TUB: variants seen among roughly 807,000 people sequenced by gnomAD.
TUB encodes the protein tubby protein homolog.
TUB carries 33 observed loss-of-function variants against 59.7 expected under a neutral mutation model. That is an observed-to-expected ratio of 0.55 (90% CI 0.42 to 0.74). The LOEUF is 0.74. TUB is among the 30% of genes least tolerant of loss of function. TUB has a pLI of 0.00. For missense variants in TUB, 659 were observed against 672.0 expected, an observed-to-expected ratio of 0.98 and a Z score of 0.21; for synonymous variants, 293 against 256.4, an observed-to-expected ratio of 1.14 and a Z score of -1.36.
At chr11:8,039,201 G>C (rs1283422903) in intron 1 of TUB, among the ~76,000 whole-genome samples, 1 of 151,944 alleles carries the variant, frequency 6.6e-6, no homozygotes, top group Non-Finnish European at 1.5e-5. Flanking sequence ...AACCCCTCTT[G>C]CTCCAGACAG....
chr11:8,037,212 G>A (rs1190133859), upstream of TUB, among the ~76,000 whole-genome samples: 1 of 152,214 alleles, frequency 6.6e-6, no homozygotes, highest in Non-Finnish European at 1.5e-5. Flanking sequence ...CCTTGAGGCT[G>A]GCTGTGCAGC....
At chr11:8,096,891 G>T in intron 6 of TUB, 85 bp downstream of exon 6, 2 of 1,497,500 alleles carry the variant, frequency 1.3e-6, no homozygotes, top group East Asian at 4.5e-5. Context: ...AGATGGACTC[G>T]TATGCCTTTA....
chr11:8,040,048 T>G (rs920517638), intron 2 of TUB, among the ~76,000 whole-genome samples: 16 of 152,114 alleles, frequency 1.1e-4, no homozygotes, highest in African/African-American at 3.4e-4. Context: ...CCTCTACATG[T>G]GGTCACACCA....
intron 3 of TUB, among the ~76,000 whole-genome samples, chr11:8,093,013 G>A (rs567158905): frequency 6.6e-6 from 1 of 152,250 alleles, no homozygotes; most frequent in East Asian, 1.9e-4. Flanking sequence ...CTGGATTAGA[G>A]GCTGTAGGTC....
Position 8,101,017 on chromosome 11 carries a change from C to T in TUB, c.1387+20C>T. ...ATGACCGTGAGTGTTTCTGTCCCTACTCATTATGGTCCGTAGGATACCCAA... is the reference window on the plus strand; with the variant it reads ...ATGACCGTGAGTGTTTCTGTCCCTATTCATTATGGTCCGTAGGATACCCAA... On this transcript the variant is annotated intron_variant, in intron 11 of 11. Transcript: ENST00000299506. The T allele has an allele frequency of 1.2e-6, 2 of 1,613,818 alleles. No individual in the cohort carries two copies. Among genetic ancestry groups the T allele is most frequent in the South Asian group, 2.2e-5 (2 of 91,018 alleles).
chr11:8,040,919 A>C (rs1303727712), intron 2 of TUB, among the ~76,000 whole-genome samples: 1 of 152,350 alleles, frequency 6.6e-6, no homozygotes, highest in South Asian at 2.1e-4. Flanking sequence ...TGTAACAGGC[A>C]AAACAGGCCT....
At position 8,101,852 on chromosome 11, in the gene TUB, C is replaced by G; in HGVS notation, c.*233C>G. The G allele has an allele frequency of 7.1e-6, 3 of 423,642 alleles. No homozygotes were observed. The highest frequency in any genetic ancestry group is 9.4e-5 in the South Asian group (1 of 10,634). 26.2% of individuals were successfully genotyped at this position (423,642 alleles called of 1,614,324 possible). ...TGTGAAGGGATGAGAATAATTCTTT[C>G]CATGCCACGAGATCAACACACACTC... On this transcript the variant is annotated 3_prime_UTR_variant, in exon 12 of 12. Coordinates refer to ENST00000299506, the MANE Select transcript of TUB (RefSeq NM_177972.3).
At chr11:8,060,935 C>G (rs184648741) in intron 2 of TUB, among the ~76,000 whole-genome samples, 1 of 152,220 alleles carries the variant, frequency 6.6e-6, no homozygotes, top group African/African-American at 2.4e-5. Context: ...TATGTCCATG[C>G]TTATGTAGGC....
chr11:8,106,145 C>G lies in TUB; in HGVS notation c.*4526C>G, dbSNP rs1272066122. 6.6e-6 allele frequency: 1 copy of G among 151,732 alleles called. No individual in the cohort carries two copies. Among genetic ancestry groups the G allele is most frequent in the African/African-American group, 2.4e-5 (1 of 41,412 alleles). 9.4% of individuals were successfully genotyped at this position (151,732 alleles called of 1,614,324 possible). On this transcript the variant is annotated 3_prime_UTR_variant, in exon 12 of 12. Transcript: ENST00000299506. ...ATTTATTGGTATGTGCAATGACAAACTTGGTATTTTCCCATGTTGACATTA... is the reference window on the plus strand; with the variant it reads ...ATTTATTGGTATGTGCAATGACAAAGTTGGTATTTTCCCATGTTGACATTA...
chr11:8,099,735 T>C (rs1944173520), intron 9 of TUB, among the ~76,000 whole-genome samples: 1 of 152,124 alleles, frequency 6.6e-6, no homozygotes, highest in Non-Finnish European at 1.5e-5. Flanking sequence ...TGTCAAGGTA[T>C]GTGTGAGAAT....
intron 4 of TUB, 62 bp from the exon 5 acceptor site, chr11:8,095,436 T>C: frequency 6.5e-7 from 1 of 1,531,112 alleles, no homozygotes; most frequent in South Asian, 1.2e-5. Flanking sequence ...CATGGACGTC[T>C]GAGAATCCAG....
chr11:8,051,259 A>C (rs995709638), intron 2 of TUB, among the ~76,000 whole-genome samples: 13 of 152,284 alleles, frequency 8.5e-5, no homozygotes, highest in Admixed American at 3.9e-4. Context: ...CCTATATCCT[A>C]ATGACATTGT....
chr11:8,101,301 A>G (rs541387153), intron 11 of TUB, among the ~76,000 whole-genome samples, 185 bp from the exon 12 acceptor site: 24 of 151,992 alleles, frequency 1.6e-4, no homozygotes, highest in Admixed American at 4.6e-4. Context: ...GTCCTTTGCC[A>G]TCTGCCACCT....
In TUB at chr11:8,101,855, T is replaced by A; in HGVS notation, c.*236T>A. On this transcript the variant is annotated 3_prime_UTR_variant, in exon 12 of 12. Transcript: ENST00000299506. Reference sequence around the variant, plus strand: ...GAAGGGATGAGAATAATTCTTTCCATGCCACGAGATCAACACACACTCCCA... The same window carrying A: ...GAAGGGATGAGAATAATTCTTTCCAAGCCACGAGATCAACACACACTCCCA... 6 of 475,796 alleles carry A rather than the reference T, an allele frequency of 1.3e-5. No homozygotes were observed. The highest frequency in any genetic ancestry group is 3.8e-5 in the East Asian group (1 of 26,564). The allele number at this position is 475,796 out of a possible 1,614,324, so 29.5% of individuals were successfully genotyped here.
Position 8,101,793 on chromosome 11 carries a change from G to GA in TUB, c.*175dup. 1 of 1,175,064 alleles carries GA rather than the reference G, an allele frequency of 8.5e-7. No homozygotes were observed. Among genetic ancestry groups the GA allele is most frequent in the South Asian group, 1.6e-5 (1 of 61,784 alleles). 72.8% of individuals were successfully genotyped at this position (1,175,064 alleles called of 1,614,324 possible). On this transcript the variant is annotated 3_prime_UTR_variant, in exon 12 of 12. Transcript: ENST00000299506. ...AACTGGCTCCTTTGCCTCTGCTACT[G>GA]AGGCAGGGGAGTAGTGGAGAGCGGG...
chr11:8,041,567 T>C (rs943094654), intron 2 of TUB, among the ~76,000 whole-genome samples: 5 of 152,176 alleles, frequency 3.3e-5, no homozygotes, highest in African/African-American at 1.2e-4. Flanking sequence ...TTGGGATCAT[T>C]TGAAACTGTT....
exon 1 of TUB, chr11:8,038,838 G>T: frequency 1.9e-6 from 3 of 1,608,156 alleles, no homozygotes; most frequent in Non-Finnish European, 2.5e-6. Context: ...CCTGAAGTGG[G>T]ACCATCCCTT....
intron 1 of TUB, among the ~76,000 whole-genome samples, chr11:8,025,990 T>C (rs1942495171): frequency 6.6e-6 from 1 of 152,254 alleles, no homozygotes. Flanking sequence ...GCCAGTCTTT[T>C]TCATTTAAGC....
chr11:8,039,334 G>C (rs1301852117), intron 1 of TUB, among the ~76,000 whole-genome samples: 1 of 152,118 alleles, frequency 6.6e-6, no homozygotes, highest in Non-Finnish European at 1.5e-5. Flanking sequence ...CCGGCCCTCT[G>C]CCTCTTCTGG....
Sources: gnomAD v4.1 joint callset for allele counts (sites outside exome capture counted in the v4.1 genomes callset) on GRCh38, gnomAD v4.1.1 for gene constraint, MANE v1.5 for transcripts, NCBI Gene and HGNC (gene_info 2026-07-23, HGNC 2026-07-21) for gene names.